Variants in SCYL1 observed in about 807,000 individuals in gnomAD.
The protein encoded by SCYL1 is SCY1 like pseudokinase 1, also known as N-terminal kinase-like protein.
SCYL1 carries 85 observed loss-of-function variants against 94.8 expected under a neutral mutation model. That is an observed-to-expected ratio of 0.90 (90% CI 0.75 to 1.07). The LOEUF is 1.07. Ranked by LOEUF, SCYL1 falls within the 50% of genes least tolerant of loss-of-function variation. SCYL1 has a pLI of 0.00. For synonymous variants in SCYL1, 459 were observed against 435.5 expected (o/e 1.05, Z -0.67); for missense variants, 968 against 1,083.3 (o/e 0.89, Z 1.49).
Position 65,536,073 on chromosome 11 carries a change from T to C in SCYL1, c.1507T>C (p.Cys503Arg), listed in dbSNP as rs374754187. ...ATHNLYSMND[C>R]AQKILPVLCG... ...CCACAACCTCTACTCAATGAACGAC[T>C]GTGCCCAGAAGATCCTGCCTGTGCT... The change falls in exon 11 of 18, where the codon TGT becomes CGT. Residue 503 changes from cysteine (C) to arginine (R), a missense_variant. Physicochemically the swap from Cys to Arg is radical, Grantham distance 180 (BLOSUM62 -3). Around this residue, in one of 2 missense-constraint regions of SCYL1, gnomAD observed 474 missense variants for 463.6 expected, o/e 1.02. Coordinates refer to ENST00000270176, the MANE Select transcript of SCYL1 (RefSeq NM_020680.4). 101 of 1,614,244 alleles carry C rather than the reference T, an allele frequency of 6.3e-5. 1 individual carries two copies. The African/African-American group carries it at 1.1e-3, about 17-fold the overall frequency.
chr11:65,537,737 G>A lies in SCYL1; in HGVS notation c.1960-72G>A, dbSNP rs1352386681. On this transcript the variant is annotated intron_variant, in intron 14 of 17. Transcript: ENST00000270176. ...AAGACAGTGGTGGGGCCCGTGGCTG[G>A]GATGATGCTGGGGCGGGCTCACTTG... 8.2e-6 allele frequency: 11 copies of A among 1,340,124 alleles called. No homozygotes were observed. In the South Asian group the frequency reaches 1.3e-4, roughly 16 times the overall value. 83.0% of individuals were successfully genotyped at this position (1,340,124 alleles called of 1,614,324 possible).
intron 7 of SCYL1, 30 bp from the exon 8 acceptor site, chr11:65,531,546 G>A (rs1056692282): frequency 2.0e-6 from 3 of 1,532,638 alleles, no homozygotes; most frequent in Non-Finnish European, 2.7e-6. Context: ...ATTCCTGTGA[G>A]CAGCTGAACC....
chr11:65,525,411 C>T (rs1010647034), intron 1 of SCYL1, 147 bp downstream of exon 1: 6 of 1,060,192 alleles, frequency 5.7e-6, no homozygotes, highest in Non-Finnish European at 7.8e-6. Flanking sequence ...GCCTACGTGG[C>T]GGGCGGAGGG....
chr11:65,529,895 T>G (rs1159952429), intron 6 of SCYL1, among the ~76,000 whole-genome samples: 4 of 152,202 alleles, frequency 2.6e-5, no homozygotes, highest in African/African-American at 4.8e-5. Flanking sequence ...CTCAGCTTCC[T>G]TGTTGGTAAA....
At position 65,536,247 on chromosome 11, in the gene SCYL1, G is replaced by A. The variant is rs201331132; in HGVS notation, c.1576-12G>A. ...ACCCCAGAGACCCCAGCTCTGCCTCGTTACCCCACAGGCCTTCAAGGCCAT... is the reference window on the plus strand; with the variant it reads ...ACCCCAGAGACCCCAGCTCTGCCTCATTACCCCACAGGCCTTCAAGGCCAT... On this transcript the variant is annotated splice_polypyrimidine_tract_variant and intron_variant, in intron 11 of 17. Coordinates refer to ENST00000270176, the MANE Select transcript of SCYL1 (RefSeq NM_020680.4). 71 of 1,612,440 alleles carry A rather than the reference G, an allele frequency of 4.4e-5. 1 individual carries two copies. Among genetic ancestry groups the A allele is most frequent in the Non-Finnish European group, 3.4e-5 (40 of 1,178,706 alleles).
In SCYL1 at chr11:65,525,700, A is replaced by G; in HGVS notation, c.238A>G (p.Ile80Val). The change falls in exon 2 of 18, where the codon ATC becomes GTC. Residue 80 changes from isoleucine (I) to valine (V), a missense_variant. Ile to Val is a conservative substitution (Grantham distance 29). Around this residue, in one of 2 missense-constraint regions of SCYL1, gnomAD observed 494 missense variants for 619.7 expected, o/e 0.80. Transcript: ENST00000270176. The part of the protein sequence containing the change: ...TLRHPNILAY[I>V]DGLETEKCLH... ...ACGGCACCCCAACATCCTGGCTTAC[A>G]TCGATGGACTGGAGGTACCTGCTGC... is the stretch of plus-strand genomic sequence containing the variant. 2 of 1,612,650 alleles carry G rather than the reference A, an allele frequency of 1.2e-6. No homozygotes were observed. The highest frequency in any genetic ancestry group is 1.7e-5 in the Admixed American group (1 of 59,992).
At chr11:65,536,922 C>A in intron 13 of SCYL1, 64 bp from the exon 14 acceptor site, 1 of 1,269,984 alleles carries the variant, frequency 7.9e-7, no homozygotes, top group Non-Finnish European at 1.1e-6. Flanking sequence ...TAGCCCCCTT[C>A]CCCTAGCAGC....
intron 7 of SCYL1, 111 bp from the exon 8 acceptor site, chr11:65,531,465 T>G (rs1366557190): frequency 1.3e-6 from 1 of 741,398 alleles, no homozygotes; most frequent in Non-Finnish European, 2.3e-6. Context: ...TGCCCCCCCC[T>G]CCGCCATCAC....
chr11:65,536,920 T>G, intron 13 of SCYL1, 66 bp from the exon 14 acceptor site: 13 of 978,370 alleles, frequency 1.3e-5, no homozygotes, highest in Non-Finnish European at 1.7e-5. Flanking sequence ...AGTAGCCCCC[T>G]TCCCCTAGCA....
chr11:65,529,985 C>G (rs1855286131), intron 6 of SCYL1, among the ~76,000 whole-genome samples: 1 of 152,116 alleles, frequency 6.6e-6, no homozygotes, highest in South Asian at 2.1e-4. Context: ...AGCACATAAT[C>G]TGTGCTCCAG....
At position 65,538,087 on chromosome 11, in the gene SCYL1, G is replaced by A. The variant is rs201172030; in HGVS notation, c.2152G>A (p.Gly718Ser). 11 of 1,606,798 alleles carry A rather than the reference G, an allele frequency of 6.8e-6. No individual in the cohort carries two copies. The highest frequency in any genetic ancestry group is 6.7e-5 in the African/African-American group (5 of 74,972). ...EPSSQEPPPD[G>S]TRLASEYNWG... Reference sequence around the variant, plus strand: ...AAGCTCCCAGGAGCCACCTCCTGACGGTACACGGCTGGCCAGCGAGTATAA... The same window carrying A: ...AAGCTCCCAGGAGCCACCTCCTGACAGTACACGGCTGGCCAGCGAGTATAA... Residue 718 changes from glycine (G) to serine (S), a missense_variant, in exon 16 of 18, where the codon GGT becomes AGT. Physicochemically the swap from Gly to Ser is moderately conservative, Grantham distance 56. Coordinates refer to ENST00000270176, the MANE Select transcript of SCYL1 (RefSeq NM_020680.4).
intron 13 of SCYL1, 69 bp downstream of exon 13, chr11:65,536,819 ACTGT>A: frequency 6.7e-7 from 1 of 1,497,272 alleles, no homozygotes; most frequent in Non-Finnish European, 9.1e-7. Context: ...AGGAACTCTT[ACTGT>A]CTGACTCCCC....
At chr11:65,530,946 T>C (rs1855331897) in intron 7 of SCYL1, among the ~76,000 whole-genome samples, 159 bp downstream of exon 7, 1 of 152,134 alleles carries the variant, frequency 6.6e-6, no homozygotes, top group Non-Finnish European at 1.5e-5. Flanking sequence ...AGCTGTCCCC[T>C]GGGGAGGAGA....
At chr11:65,537,397 C>T (rs1174965002) in intron 14 of SCYL1, among the ~76,000 whole-genome samples, 2 of 152,204 alleles carry the variant, frequency 1.3e-5, no homozygotes, top group South Asian at 2.1e-4. Flanking sequence ...CCCCCTTTCC[C>T]CTCCTCCAGT....
rs754127251 is a variant in SCYL1 at position 65,536,049 on chromosome 11, CA to C, written c.1484del (p.His495ProfsTer6). On this transcript the variant is annotated frameshift_variant, in exon 11 of 18. Coordinates refer to ENST00000270176, the MANE Select transcript of SCYL1 (RefSeq NM_020680.4). LOFTEE classifies it high-confidence loss of function. ...VAGVLGFAAT[H>X]NLYSMNDCAQ... Reference sequence around the variant, plus strand: ...GGGTGTCCTGGGCTTTGCTGCCACCCACAACCTCTACTCAATGAACGACTGT... The same window carrying C: ...GGGTGTCCTGGGCTTTGCTGCCACCCCAACCTCTACTCAATGAACGACTGT... 6.2e-7 allele frequency: 1 copy of C among 1,614,230 alleles called. No individual in the cohort carries two copies.
At chr11:65,535,713 G>T in intron 10 of SCYL1, 1 of 576,210 alleles carries the variant, frequency 1.7e-6, no homozygotes, top group Non-Finnish European at 3.0e-6. Flanking sequence ...GCCTGTGTCC[G>T]AGCCCTGGGG....
chr11:65,532,735 C>T lies in SCYL1; in HGVS notation c.1160C>T (p.Thr387Ile). The change falls in exon 9 of 18, where the codon ACC (threonine) becomes ATC (isoleucine). Residue 387 changes from threonine (T) to isoleucine (I), a missense_variant. Transcript: ENST00000270176. Reference sequence around the variant, plus strand: ...TACCTTGACGAGCCAACAGTCAACACCCAGATCTTCCCCCACGTCGTACAT... The same window carrying T: ...TACCTTGACGAGCCAACAGTCAACATCCAGATCTTCCCCCACGTCGTACAT... ...IQYLDEPTVN[T>I]QIFPHVVHGF... 1 of 1,614,168 alleles carries T rather than the reference C, an allele frequency of 6.2e-7. No homozygotes were observed. Among genetic ancestry groups the T allele is most frequent in the African/African-American group, 1.3e-5 (1 of 75,064 alleles).
rs778569539 is a variant in SCYL1 at position 65,526,279 on chromosome 11, G to C, written c.531G>C (p.Gly177=). 1.2e-6 allele frequency: 2 copies of C among 1,612,762 alleles called. No homozygotes were observed. The highest frequency in any genetic ancestry group is 1.7e-6 in the Non-Finnish European group (2 of 1,179,694). The change falls in exon 4 of 18, where the codon GGG becomes GGC. Residue 177 remains glycine (G), a synonymous_variant. Coordinates refer to ENST00000270176, the MANE Select transcript of SCYL1 (RefSeq NM_020680.4). This position sits in a 1 kb window ranked among gnomAD's most constrained non-coding sequence, Gnocchi z 4.1. ...QGNGGGPPRK[G]IPELEQYDPP... ...ACGGTGGGGGACCTCCCCGCAAGGG[G>C]ATCCCCGAGCTTGAGCAGTATGACC...
chr11:65,535,469 C>T, intron 10 of SCYL1, 87 bp downstream of exon 10: 1 of 1,511,610 alleles, frequency 6.6e-7, no homozygotes, highest in Non-Finnish European at 9.0e-7. Context: ...GTGTGGGGGC[C>T]TTCATTCTCC....
Sources: allele counts gnomAD v4.1 joint callset (sites outside exome capture counted in the v4.1 genomes callset), GRCh38; gene constraint gnomAD v4.1.1; regional missense constraint gnomAD v4.1.1; non-coding constraint Gnocchi (gnomAD v3.1); transcripts MANE v1.5; gene names NCBI Gene and HGNC (gene_info 2026-07-23, HGNC 2026-07-21).